Variants in RXYLT1 observed in about 807,000 individuals in gnomAD.
The protein encoded by RXYLT1 is ribitol xylosyltransferase 1.
In RXYLT1, 41 loss-of-function variants were observed where a neutral mutation model predicts 43.5. That is an observed-to-expected ratio of 0.94 (90% confidence interval 0.73 to 1.22). The LOEUF (loss-of-function observed/expected upper bound fraction) is 1.22. Ranked by LOEUF, RXYLT1 falls within the 50% of genes most tolerant of loss-of-function variation. RXYLT1 has a pLI of 0.00. For synonymous variants in RXYLT1, 166 were observed against 194.4 expected, an observed-to-expected ratio of 0.85 and a Z score of 1.21; for missense variants, 514 against 532.0, an observed-to-expected ratio of 0.97 and a Z score of 0.33.
chr12:63,800,598 T>C (rs1046929882), intron 3 of RXYLT1, among the ~76,000 whole-genome samples: 1 of 152,180 alleles, frequency 6.6e-6, no homozygotes, highest in African/African-American at 2.4e-5. Context: ...TGTCTATTCC[T>C]TTAATGAAAA....
intron 3 of RXYLT1, among the ~76,000 whole-genome samples, chr12:63,797,714 A>T (rs1021948231): frequency 1.3e-5 from 2 of 152,122 alleles, no homozygotes. Flanking sequence ...TGGTATTGTC[A>T]TGTGTTTATG....
intron 1 of RXYLT1, among the ~76,000 whole-genome samples, chr12:63,780,621 C>T (rs1565897908): frequency 6.6e-6 from 1 of 152,142 alleles, no homozygotes; most frequent in Non-Finnish European, 1.5e-5. Context: ...GAATTTTGCA[C>T]GATAGTATCT....
chr12:63,792,088 CTAAGGGACTATTTTGAG>C (rs1390565624), intron 3 of RXYLT1, among the ~76,000 whole-genome samples: 1 of 152,136 alleles, frequency 6.6e-6, no homozygotes, highest in East Asian at 1.9e-4. Flanking sequence ...ACACTCTTGA[CTAAGGGACTATTTTGAG>C]TAAGAGGCAG....
Position 63,809,473 on chromosome 12 carries a change from GT to G in RXYLT1, c.*384del, listed in dbSNP as rs1898401720. ...ATGACAATAAATGACTATGTTACTG[GT>G]TTATGTATTTACTATACTATACTTT... On this transcript the variant is annotated 3_prime_UTR_variant, in exon 6 of 6. Coordinates refer to ENST00000261234, the MANE Select transcript of RXYLT1 (RefSeq NM_014254.3). 1 of 171,022 alleles carries G rather than the reference GT, an allele frequency of 5.8e-6. No homozygotes were observed. The highest frequency in any genetic ancestry group is 2.4e-5 in the African/African-American group (1 of 41,534). The allele number at this position is 171,022 out of a possible 1,614,324, so 10.6% of individuals were successfully genotyped here. A position where few individuals can be genotyped will look rare whatever the true frequency, so the allele number is the denominator to read the frequency against.
Position 63,781,145 on chromosome 12 carries a change from G to A in RXYLT1, c.296G>A (p.Ser99Asn). The change falls in exon 2 of 6, where the codon AGT becomes AAT. Residue 99 changes from serine to asparagine, a missense_variant. Coordinates refer to ENST00000261234, the MANE Select transcript of RXYLT1 (RefSeq NM_014254.3). ...DKSTKGKTDL[S>N]VQIWGKAAIG... ...TCCACGAAAGGAAAAACAGATCTCA[G>A]TGTACAAATCTGGGGCAAAGCTGCC... 1 of 1,601,026 alleles carries A rather than the reference G, an allele frequency of 6.2e-7. No homozygotes were observed. Among genetic ancestry groups the A allele is most frequent in the East Asian group, 2.3e-5 (1 of 43,842 alleles).
chr12:63,801,161 T>G (rs1898150861), intron 3 of RXYLT1, among the ~76,000 whole-genome samples: 1 of 152,232 alleles, frequency 6.6e-6, no homozygotes, highest in South Asian at 2.1e-4. Flanking sequence ...ATTTTTATAT[T>G]TATACTGATC....
chr12:63,802,413 C>T lies in RXYLT1; in HGVS notation c.743+8C>T, dbSNP rs1898184256. 1 of 1,547,162 alleles carries T rather than the reference C, an allele frequency of 6.5e-7. No individual in the cohort carries two copies. Among genetic ancestry groups the T allele is most frequent in the Admixed American group, 2.1e-5 (1 of 47,868 alleles). ...GCCTTTAGGAGTAGCAACGTAAGTACAAAATATGATTAAACATTTTTAGGC... is the reference window on the plus strand; with the variant it reads ...GCCTTTAGGAGTAGCAACGTAAGTATAAAATATGATTAAACATTTTTAGGC... On this transcript the variant is annotated splice_region_variant and intron_variant, in intron 4 of 5. Transcript: ENST00000261234.
intron 3 of RXYLT1, among the ~76,000 whole-genome samples, chr12:63,791,036 T>C (rs1897910345): frequency 6.6e-6 from 1 of 152,192 alleles, no homozygotes; most frequent in South Asian, 2.1e-4. Context: ...TTTCCATTAC[T>C]GTCTCTTACC....
chr12:63,794,972 G>T (rs755313908), intron 3 of RXYLT1, among the ~76,000 whole-genome samples: 55 of 151,694 alleles, frequency 3.6e-4, no homozygotes, highest in Non-Finnish European at 6.3e-4. Context: ...AGAACAAGCT[G>T]CAGAGGAGAC....
At chr12:63,785,214 T>G (rs1897774417) in intron 3 of RXYLT1, 142 bp downstream of exon 3, 12 of 493,046 alleles carry the variant, frequency 2.4e-5, no homozygotes, top group Middle Eastern at 5.8e-4. Context: ...GAGAAGTAAA[T>G]CTCATGAATA....
Position 63,799,309 on chromosome 12 carries a change from T to C in RXYLT1, c.429-2782T>C, listed in dbSNP as rs1323190800. Among the ~76,000 whole-genome samples the C allele has an allele frequency of 2.4e-4, 35 of 145,420 alleles. No homozygotes were observed. In the South Asian group the frequency reaches 6.0e-3, roughly 25 times the overall value. ...TTGTTTTTCTTTTCTTTTCTTTTTT[T>C]TTTTTTTTTTTTTTTGAGACAACGT... On this transcript the variant is annotated intron_variant, in intron 3 of 5. Transcript: ENST00000261234.
chr12:63,780,004 T>C lies in RXYLT1; in HGVS notation c.44T>C (p.Leu15Pro). 1 of 1,611,240 alleles carries C rather than the reference T, an allele frequency of 6.2e-7. No individual in the cohort carries two copies. Among genetic ancestry groups the C allele is most frequent in the East Asian group, 2.2e-5 (1 of 44,714 alleles). ...CGGCTCTGCTCGTTTCTTATCGCCCTGTACTGCCTATTCTCCCTCTACGCT... is the reference window on the plus strand; with the variant it reads ...CGGCTCTGCTCGTTTCTTATCGCCCCGTACTGCCTATTCTCCCTCTACGCT... ...RKRLCSFLIALYCLFSLYAAY... is the reference protein window; with the variant it reads ...RKRLCSFLIAPYCLFSLYAAY... Residue 15 changes from leucine (L) to proline (P), a missense_variant, in exon 1 of 6, where the codon CTG becomes CCG. Physicochemically the swap from Leu to Pro is moderately conservative, Grantham distance 98. Transcript: ENST00000261234.
chr12:63,802,830 T>C (rs1455022109), intron 4 of RXYLT1, among the ~76,000 whole-genome samples: 2 of 152,052 alleles, frequency 1.3e-5, no homozygotes, highest in African/African-American at 4.8e-5. Context: ...AAATCTCTTC[T>C]ATAAAAGGAG....
intron 3 of RXYLT1, among the ~76,000 whole-genome samples, chr12:63,795,011 A>G (rs1370295669): frequency 6.7e-6 from 1 of 150,156 alleles, no homozygotes; most frequent in African/African-American, 2.5e-5. Flanking sequence ...ATATCAAAAT[A>G]TAGGCTGGGC....
In RXYLT1 at chr12:63,809,097, CTTTT is replaced by C; in HGVS notation, c.*7_*10del. On this transcript the variant is annotated 3_prime_UTR_variant, in exon 6 of 6. Transcript: ENST00000261234. Reference sequence around the variant, plus strand: ...TTAATGAATAATAAAAGTTAATTATCTTTTTGAGCTAACATGTGATTTTTAAAAT... The same window carrying C: ...TTAATGAATAATAAAAGTTAATTATCTGAGCTAACATGTGATTTTTAAAAT... 6.7e-7 allele frequency: 1 copy of C among 1,483,886 alleles called. No homozygotes were observed. 91.9% of individuals were successfully genotyped at this position (1,483,886 alleles called of 1,614,324 possible). A position where few individuals can be genotyped will look rare whatever the true frequency, so the allele number is the denominator to read the frequency against.
At chr12:63,781,320 T>G in intron 2 of RXYLT1, 146 bp downstream of exon 2, 1 of 785,300 alleles carries the variant, frequency 1.3e-6, no homozygotes, top group Non-Finnish European at 1.9e-6. Context: ...AATAATTCCT[T>G]TCTCCTTCCA....
At chr12:63,780,998 C>T (rs1897668226) in intron 1 of RXYLT1, 21 bp from the exon 2 acceptor site, 1 of 1,545,034 alleles carries the variant, frequency 6.5e-7, no homozygotes. Context: ...TACTGGTAAA[C>T]ACTTACTCTT....
At position 63,783,439 on chromosome 12, in the gene RXYLT1, C is replaced by T. The variant is rs113298537; in HGVS notation, c.326-1531C>T. On this transcript the variant is annotated intron_variant, in intron 2 of 5. Coordinates refer to ENST00000261234, the MANE Select transcript of RXYLT1 (RefSeq NM_014254.3). ...TCATGCCACCTTACTCCAGCCTGGGCGACAGAGCGAGACTCTGTCTCAAAA... is the reference window on the plus strand; with the variant it reads ...TCATGCCACCTTACTCCAGCCTGGGTGACAGAGCGAGACTCTGTCTCAAAA... Among the ~76,000 whole-genome samples, 13 of 151,766 alleles carry T rather than the reference C, an allele frequency of 8.6e-5. No individual in the cohort carries two copies. In the South Asian group the frequency reaches 1.5e-3, roughly 17 times the overall value.
chr12:63,794,688 C>T (rs1180321479), intron 3 of RXYLT1, among the ~76,000 whole-genome samples: 1 of 152,060 alleles, frequency 6.6e-6, no homozygotes, highest in African/African-American at 2.4e-5. Context: ...CATGGTGGCT[C>T]ACTCCCATAA....
Sources: gnomAD v4.1 joint callset for allele counts (sites outside exome capture counted in the v4.1 genomes callset) on GRCh38, gnomAD v4.1.1 for gene constraint, MANE v1.5 for transcripts, NCBI Gene and HGNC (gene_info 2026-07-23, HGNC 2026-07-21) for gene names.